CA8: variants seen among roughly 807,000 people sequenced by gnomAD.
The protein encoded by CA8 is carbonic anhydrase-related protein.
CA8 carries 22 observed loss-of-function variants against 41.4 expected under a neutral mutation model. The observed-to-expected ratio is 0.53, with a 90% CI of 0.38 to 0.76. The LOEUF is 0.76. Ranked by LOEUF, CA8 falls within the 30% of genes least tolerant of loss-of-function variation. CA8 has a pLI of 0.00. For synonymous variants in CA8, 121 were observed against 130.6 expected (o/e 0.93, Z 0.50); for missense variants, 270 against 352.8 (o/e 0.77, Z 1.88).
intron 4 of CA8, 133 bp downstream of exon 4, chr8:60,232,151 T>C (rs565426713): frequency 4.3e-5 from 30 of 705,256 alleles, no homozygotes; most frequent in Non-Finnish European, 7.7e-5. Context: ...TCAAGTTTTC[T>C]GTTTTTATCA....
chr8:60,261,627 CA>C (rs1464995643), intron 3 of CA8, among the ~76,000 whole-genome samples: 4 of 152,162 alleles, frequency 2.6e-5, no homozygotes, highest in African/African-American at 9.7e-5. Context: ...ATTTTGAGAT[CA>C]CATCCTTCCT....
intron 8 of CA8, among the ~76,000 whole-genome samples, chr8:60,204,038 T>A (rs1806506731): frequency 6.6e-6 from 1 of 152,212 alleles, no homozygotes; most frequent in African/African-American, 2.4e-5. Flanking sequence ...CCTAGGAACC[T>A]CAAGTATTTA....
chr8:60,214,849 C>T (rs1806959760), intron 7 of CA8, among the ~76,000 whole-genome samples: 1 of 152,142 alleles, frequency 6.6e-6, no homozygotes, highest in African/African-American at 2.4e-5. Context: ...TATCATGTAT[C>T]CACAGGGTGA....
In CA8 at chr8:60,208,763, G is replaced by A; in HGVS notation, c.*22C>T. 1 of 1,614,056 alleles carries A rather than the reference G, an allele frequency of 6.2e-7. No homozygotes were observed. The highest frequency in any genetic ancestry group is 1.7e-5 in the Admixed American group (1 of 60,032). Reference sequence around the variant, plus strand: ...ATCTGGACATACCCTCATGAAGACAGACTTGTTCCTGTCCTCTTTGGCTAC... The same window carrying A: ...ATCTGGACATACCCTCATGAAGACAAACTTGTTCCTGTCCTCTTTGGCTAC... On this transcript the variant is annotated 3_prime_UTR_variant, in exon 8 of 9. Coordinates refer to ENST00000317995, the MANE Select transcript of CA8 (RefSeq NM_004056.6).
At chr8:60,274,095 T>C (rs1056349963) in intron 2 of CA8, among the ~76,000 whole-genome samples, 4 of 152,084 alleles carry the variant, frequency 2.6e-5, no homozygotes, top group Non-Finnish European at 5.9e-5. Flanking sequence ...GCTGAGGTTT[T>C]AGCACAGTGG....
chr8:60,194,962 C>T (rs907246793), intron 8 of CA8, among the ~76,000 whole-genome samples: 5 of 152,100 alleles, frequency 3.3e-5, no homozygotes, highest in African/African-American at 7.2e-5. Context: ...CATTTTTATG[C>T]CTTTGTGTAT....
intron 5 of CA8, among the ~76,000 whole-genome samples, chr8:60,226,305 A>G (rs1257885565): frequency 2.6e-5 from 2 of 77,008 alleles, no homozygotes; most frequent in East Asian, 3.2e-4. Flanking sequence ...ATTCTACCTG[A>G]TAAGACTGTT....
chr8:60,275,314 G>A (rs1179419327), intron 2 of CA8, among the ~76,000 whole-genome samples: 2 of 151,980 alleles, frequency 1.3e-5, no homozygotes, highest in African/African-American at 4.8e-5. Flanking sequence ...GACTTTTGAG[G>A]AGAACCTCCG....
At chr8:60,267,802 T>A (rs1034924858) in intron 2 of CA8, among the ~76,000 whole-genome samples, 7 of 152,216 alleles carry the variant, frequency 4.6e-5, no homozygotes, top group Admixed American at 3.3e-4. Context: ...CTGCACTTCA[T>A]CCTATTTCCC....
At chr8:60,190,615 G>A (rs1048432012) in intron 8 of CA8, among the ~76,000 whole-genome samples, 1 of 150,206 alleles carries the variant, frequency 6.7e-6, no homozygotes, top group Non-Finnish European at 1.5e-5. Context: ...GAAATTTGCA[G>A]TCTTATTAGT....
intron 3 of CA8, among the ~76,000 whole-genome samples, chr8:60,250,048 A>G (rs1233422519): frequency 6.6e-6 from 1 of 152,214 alleles, no homozygotes; most frequent in Non-Finnish European, 1.5e-5. Flanking sequence ...ACTTGCTCAG[A>G]AACATTACAT....
At chr8:60,259,741 T>C (rs1221122154) in intron 3 of CA8, among the ~76,000 whole-genome samples, 2 of 142,388 alleles carry the variant, frequency 1.4e-5, no homozygotes, top group East Asian at 4.0e-4. Context: ...ATTTGTTTGC[T>C]TTTTTTTTTT....
chr8:60,214,443 G>A (rs1312933729), intron 7 of CA8, among the ~76,000 whole-genome samples: 1 of 152,202 alleles, frequency 6.6e-6, no homozygotes, highest in South Asian at 2.1e-4. Flanking sequence ...CCTGAAGAAA[G>A]GACAGAGAAG....
intron 2 of CA8, among the ~76,000 whole-genome samples, chr8:60,275,532 AAAGT>A (rs1320160616): frequency 2.0e-5 from 3 of 152,240 alleles, no homozygotes; most frequent in Admixed American, 1.3e-4. Context: ...AAGAAAGCAG[AAAGT>A]AAGAGTTCAA....
chr8:60,228,454 T>A (rs1807519654), intron 4 of CA8, among the ~76,000 whole-genome samples: 1 of 152,158 alleles, frequency 6.6e-6, no homozygotes, highest in South Asian at 2.1e-4. Flanking sequence ...ATCTCAGGCA[T>A]CTCCTGTTGG....
chr8:60,242,077 A>G (rs1808047846), intron 3 of CA8, among the ~76,000 whole-genome samples: 2 of 152,218 alleles, frequency 1.3e-5, no homozygotes, highest in African/African-American at 4.8e-5. Flanking sequence ...AAATGCAAAG[A>G]CTCAAATCTT....
chr8:60,200,483 A>G (rs1275829617), intron 8 of CA8, among the ~76,000 whole-genome samples: 5 of 152,170 alleles, frequency 3.3e-5, no homozygotes, highest in Non-Finnish European at 4.4e-5. Flanking sequence ...TTTGCCATAC[A>G]TAAGCATCAG....
At chr8:60,192,937 GCACACACACACA>G (rs377257462) in intron 8 of CA8, among the ~76,000 whole-genome samples, 12 of 140,664 alleles carry the variant, frequency 8.5e-5, no homozygotes, top group South Asian at 2.4e-4. Context: ...TCAACATCAT[GCACACACACACA>G]CACACACACA....
At chr8:60,254,160 G>C (rs915986110) in intron 3 of CA8, among the ~76,000 whole-genome samples, 1 of 152,110 alleles carries the variant, frequency 6.6e-6, no homozygotes, top group South Asian at 2.1e-4. Flanking sequence ...AAACACAAAT[G>C]TTGTTTTTTT....
Sources: allele counts gnomAD v4.1 joint callset (sites outside exome capture counted in the v4.1 genomes callset), GRCh38; gene constraint gnomAD v4.1.1; transcripts MANE v1.5; gene names NCBI Gene and HGNC (gene_info 2026-07-23, HGNC 2026-07-21).